The following ZNF423 variants were observed in gnomAD, a reference collection of about 807,000 sequenced individuals.
The protein encoded by ZNF423 is Ebf-associated zinc finger protein.
Under a neutral mutation model 95.8 loss-of-function variants are expected in ZNF423, and 12 were observed. That is an observed-to-expected ratio of 0.13 (90% CI 0.08 to 0.20). ZNF423 has a LOEUF of 0.20. Ranked by LOEUF, ZNF423 falls within the 10% of genes least tolerant of loss-of-function variation. The pLI is 1.00. For missense variants in ZNF423, 1,316 were observed against 1,737.1 expected, an observed-to-expected ratio of 0.76 and a Z score of 4.31; for synonymous variants, 749 against 711.9, an observed-to-expected ratio of 1.05 and a Z score of -0.83.
intron 3 of ZNF423, among the ~76,000 whole-genome samples, chr16:49,665,900 C>T (rs906526313): frequency 6.6e-6 from 1 of 152,122 alleles, no homozygotes; most frequent in African/African-American, 2.4e-5. Flanking sequence ...AAGAAAAGGG[C>T]ATGGAAAGGT....
chr16:49,815,906 ATATATATATTTTTTTT>A (rs1567356446), intron 1 of ZNF423, among the ~76,000 whole-genome samples: 51 of 42,662 alleles, frequency 1.2e-3, no homozygotes, highest in African/African-American at 4.7e-3. Flanking sequence ...ATATATATAT[ATATATATATTTTTTTT>A]TTTTTTTTTT....
At chr16:49,556,304 G>A (rs1003333552) in intron 5 of ZNF423, among the ~76,000 whole-genome samples, 1 of 152,186 alleles carries the variant, frequency 6.6e-6, no homozygotes, top group African/African-American at 2.4e-5. Context: ...CACTCTTCAA[G>A]TCAGAGCAGA....
chr16:49,771,027 C>T (rs2143707613), intron 2 of ZNF423, among the ~76,000 whole-genome samples: 1 of 152,260 alleles, frequency 6.6e-6, no homozygotes, highest in East Asian at 1.9e-4. Flanking sequence ...CCAATCTTCC[C>T]CTCTGCCAAG....
chr16:49,594,706 C>T (rs1317299288), intron 5 of ZNF423, among the ~76,000 whole-genome samples: 1 of 152,178 alleles, frequency 6.6e-6, no homozygotes, highest in Admixed American at 6.5e-5. Context: ...CATCTAAACC[C>T]ATAAACAGAA....
intron 5 of ZNF423, among the ~76,000 whole-genome samples, chr16:49,554,392 T>C (rs1969751066): frequency 6.6e-6 from 1 of 152,128 alleles, no homozygotes; most frequent in African/African-American, 2.4e-5. Context: ...TGACCACACC[T>C]TGACCCAGGC....
At chr16:49,792,349 G>C (rs1404643806) in intron 1 of ZNF423, among the ~76,000 whole-genome samples, 1 of 152,192 alleles carries the variant, frequency 6.6e-6, no homozygotes, top group Admixed American at 6.5e-5. Context: ...ATGGGAAAGA[G>C]AACAGGGAAA....
At chr16:49,854,633 G>C in intron 1 of ZNF423, 1 of 985,384 alleles carries the variant, frequency 1.0e-6, no homozygotes, top group Non-Finnish European at 1.2e-6. Flanking sequence ...GAGCGCCCGG[G>C]CACCCAACCG....
At position 49,709,168 on chromosome 16, in the gene ZNF423, T is replaced by TTATATATATATATATATATATATATA. The variant is rs534895949; in HGVS notation, c.301+21602_301+21603insTATATATATATATATATATATATATA. Among the ~76,000 whole-genome samples, 731 of 93,222 alleles carry TTATATATATATATATATATATATATA rather than the reference T, an allele frequency of 7.8e-3. 14 individuals carry two copies. Among genetic ancestry groups the TTATATATATATATATATATATATATA allele is most frequent in the South Asian group, 0.019 (53 of 2,790 alleles). The allele number at this position is 93,222 out of a possible 152,430, so 61.2% of individuals were successfully genotyped here. On this transcript the variant is annotated intron_variant, in intron 3 of 7. Coordinates refer to ENST00000563137, the MANE Select transcript of ZNF423 (RefSeq NM_001379286.1). ...AAAAACTCAAACGTTCAGCAGCCGT[T>TTATATATATATATATATATATATATA]TATATATATATATATGAAAACGGAG...
intron 7 of ZNF423, among the ~76,000 whole-genome samples, chr16:49,494,405 CT>C (rs1453997620): frequency 6.6e-6 from 1 of 152,232 alleles, no homozygotes; most frequent in African/African-American, 2.4e-5. Flanking sequence ...CCAGAATTCA[CT>C]CAGCACTACA....
At position 49,636,561 on chromosome 16, in the gene ZNF423, T is replaced by C; in HGVS notation, c.2615A>G (p.Lys872Arg). Residue 872 changes from lysine (K) to arginine (R), a missense_variant, in exon 4 of 8, where the codon AAG becomes AGG. By Grantham distance (26) the Lys-to-Arg change is conservative (BLOSUM62 2). This residue lies in a region of ZNF423 where 620 missense variants were observed against 775.6 expected (regional missense o/e 0.80). Coordinates refer to ENST00000563137, the MANE Select transcript of ZNF423 (RefSeq NM_001379286.1). The surrounding 1 kb of genome is among the most constrained non-coding windows in gnomAD (Gnocchi z 8.6). ...ATGGCTGTTAGGTGCCTCAGGGTTCTTAAGCAGCATGCCCTGCAGGTCAGC... is the reference window on the plus strand; with the variant it reads ...ATGGCTGTTAGGTGCCTCAGGGTTCCTAAGCAGCATGCCCTGCAGGTCAGC... ...EPADLQGMLL[K>R]NPEAPNSHEA... 6.2e-7 allele frequency: 1 copy of C among 1,614,006 alleles called. No individual in the cohort carries two copies. The highest frequency in any genetic ancestry group is 8.5e-7 in the Non-Finnish European group (1 of 1,180,026).
At chr16:49,660,497 C>T (rs2030155973) in intron 3 of ZNF423, among the ~76,000 whole-genome samples, 1 of 152,174 alleles carries the variant, frequency 6.6e-6, no homozygotes, top group Non-Finnish European at 1.5e-5. Context: ...GGGACAGAGC[C>T]TCCAGCTGGA....
intron 5 of ZNF423, among the ~76,000 whole-genome samples, chr16:49,543,465 G>A (rs939720255): frequency 2.6e-5 from 4 of 152,168 alleles, no homozygotes; most frequent in Non-Finnish European, 5.9e-5. Flanking sequence ...AGGCAGCTCC[G>A]TCCTTCTGCT....
chr16:49,712,449 T>C (rs2032574126), intron 3 of ZNF423, among the ~76,000 whole-genome samples: 1 of 152,168 alleles, frequency 6.6e-6, no homozygotes, highest in Non-Finnish European at 1.5e-5. Flanking sequence ...AACAAACAAT[T>C]CATAATCCAC....
At chr16:49,826,011 G>A (rs2035002109) in intron 1 of ZNF423, among the ~76,000 whole-genome samples, 2 of 152,128 alleles carry the variant, frequency 1.3e-5, no homozygotes, top group African/African-American at 4.8e-5. Flanking sequence ...AGGAGTTCGA[G>A]ACCAGCCTAG....
At chr16:49,605,159 C>T (rs1971498886) in intron 5 of ZNF423, among the ~76,000 whole-genome samples, 1 of 152,126 alleles carries the variant, frequency 6.6e-6, no homozygotes, top group Non-Finnish European at 1.5e-5. Flanking sequence ...AGCTCCAGGT[C>T]TCACCACCAG....
At chr16:49,608,628 C>T (rs1422165789) in intron 5 of ZNF423, among the ~76,000 whole-genome samples, 1 of 152,168 alleles carries the variant, frequency 6.6e-6, no homozygotes, top group Non-Finnish European at 1.5e-5. Flanking sequence ...TTTCTTTTTG[C>T]TTCATATATC....
chr16:49,837,537 C>A (rs1437492686), intron 1 of ZNF423, among the ~76,000 whole-genome samples: 1 of 152,188 alleles, frequency 6.6e-6, no homozygotes, highest in Non-Finnish European at 1.5e-5. Context: ...GTGCACGCAT[C>A]AACAGGCCAC....
At chr16:49,688,514 C>T (rs551783232) in intron 3 of ZNF423, among the ~76,000 whole-genome samples, 14 of 152,248 alleles carry the variant, frequency 9.2e-5, no homozygotes, top group African/African-American at 3.1e-4. Flanking sequence ...GCAGCCCGGG[C>T]GGCTCCCCCG....
chr16:49,510,098 C>T (rs1437688836), intron 7 of ZNF423, among the ~76,000 whole-genome samples: 1 of 152,244 alleles, frequency 6.6e-6, no homozygotes, highest in East Asian at 1.9e-4. Context: ...CTGCTTCTCC[C>T]ATCTGTGAAA....
Sources: gnomAD v4.1 joint callset for allele counts (sites outside exome capture counted in the v4.1 genomes callset) on GRCh38, gnomAD v4.1.1 for gene constraint, gnomAD v4.1.1 regional missense constraint, Gnocchi (gnomAD v3.1) non-coding constraint, MANE v1.5 for transcripts, NCBI Gene and HGNC (gene_info 2026-07-23, HGNC 2026-07-21) for gene names.